Variants in ACOT7 observed in about 807,000 individuals in gnomAD.
ACOT7 encodes the protein acyl-CoA thioesterase 7, also known as cytosolic acyl coenzyme A thioester hydrolase.
In ACOT7, 12 loss-of-function variants were observed where a neutral mutation model predicts 40.2. The observed-to-expected ratio is 0.30, with a 90% CI of 0.19 to 0.48. The LOEUF (loss-of-function observed/expected upper bound fraction) is 0.48, where lower values mean the gene tolerates loss of function less well. Among genes scored for constraint, ACOT7 ranks in the 20% least tolerant of loss-of-function variants. ACOT7 has a pLI of 0.99. For missense variants in ACOT7, 395 were observed against 530.8 expected (o/e 0.74, Z 2.51); for synonymous variants, 228 against 219.5 (o/e 1.04, Z -0.34).
At chr1:6,303,297 T>C (rs903072812) in intron 6 of ACOT7, among the ~76,000 whole-genome samples, 3 of 152,194 alleles carry the variant, frequency 2.0e-5, no homozygotes, top group Non-Finnish European at 4.4e-5. Flanking sequence ...CCCGCCGTCC[T>C]TGGAGCTGCA....
At chr1:6,283,388 C>T (rs979643786) in intron 7 of ACOT7, among the ~76,000 whole-genome samples, 1 of 152,170 alleles carries the variant, frequency 6.6e-6, no homozygotes, top group East Asian at 1.9e-4. Flanking sequence ...TCTAGAACTC[C>T]TGGCCTCAAG....
At chr1:6,390,593 G>A (rs1642516681) in intron 1 of ACOT7, among the ~76,000 whole-genome samples, 1 of 151,482 alleles carries the variant, frequency 6.6e-6, no homozygotes, top group Non-Finnish European at 1.5e-5. Context: ...GAAACAATAT[G>A]CAATTGTGAA....
At chr1:6,319,056 A>G (rs931345339) in intron 5 of ACOT7, among the ~76,000 whole-genome samples, 4 of 151,814 alleles carry the variant, frequency 2.6e-5, no homozygotes, top group Non-Finnish European at 5.9e-5. Flanking sequence ...CTGCTCTATC[A>G]CCTCACTCTT....
chr1:6,376,608 T>G (rs1642237408), intron 1 of ACOT7, among the ~76,000 whole-genome samples: 1 of 150,986 alleles, frequency 6.6e-6, no homozygotes, highest in Non-Finnish European at 1.5e-5. Context: ...GTGCCTATAA[T>G]CCCAGCTACT....
chr1:6,385,052 C>A (rs902848525), intron 1 of ACOT7, among the ~76,000 whole-genome samples: 4 of 151,976 alleles, frequency 2.6e-5, no homozygotes, highest in African/African-American at 4.8e-5. Context: ...CAACACTGCA[C>A]TGTTAGGATC....
chr1:6,276,213 C>T lies in ACOT7; in HGVS notation c.1014+4889G>A, dbSNP rs140536502. Among the ~76,000 whole-genome samples the T allele has an allele frequency of 5.9e-3, 895 of 152,310 alleles. 9 individuals carry two copies. The highest frequency in any genetic ancestry group is 0.021 in the African/African-American group (860 of 41,558). On this transcript the variant is annotated intron_variant, in intron 8 of 8. Transcript: ENST00000361521. Reference sequence around the variant, plus strand: ...GAATCAGAGGCAAGTACAGCCCCCACCTGAGGTGCCAGGGACGTCCTCCGC... The same window carrying T: ...GAATCAGAGGCAAGTACAGCCCCCATCTGAGGTGCCAGGGACGTCCTCCGC...
intron 6 of ACOT7, among the ~76,000 whole-genome samples, chr1:6,304,145 G>T (rs998197844): frequency 6.6e-6 from 1 of 152,038 alleles, no homozygotes; most frequent in Non-Finnish European, 1.5e-5. Context: ...TTCCTGGAAG[G>T]CCCAGAAATT....
At chr1:6,391,160 G>C (rs537620057) in intron 1 of ACOT7, among the ~76,000 whole-genome samples, 3 of 151,982 alleles carry the variant, frequency 2.0e-5, no homozygotes, top group Non-Finnish European at 4.4e-5. Context: ...GCTGGGCGTG[G>C]TGGCGCACGC....
At chr1:6,368,464 C>G (rs1420995358) in intron 1 of ACOT7, among the ~76,000 whole-genome samples, 1 of 152,164 alleles carries the variant, frequency 6.6e-6, no homozygotes, top group Admixed American at 6.5e-5. Flanking sequence ...ACTCCATATG[C>G]AGGTGCAGCA....
intron 8 of ACOT7, 90 bp from the exon 9 acceptor site, chr1:6,264,785 C>G: frequency 7.3e-7 from 1 of 1,362,562 alleles, no homozygotes; most frequent in Non-Finnish European, 1.0e-6. Context: ...CTGCCCCCCA[C>G]CCGTGGGATC....
At chr1:6,327,801 A>G (rs1640846628) in intron 4 of ACOT7, among the ~76,000 whole-genome samples, 1 of 152,048 alleles carries the variant, frequency 6.6e-6, no homozygotes, top group African/African-American at 2.4e-5. Context: ...TTTGAGATGG[A>G]GTCTCGCTCT....
chr1:6,277,286 C>A (rs1268760739), intron 8 of ACOT7, among the ~76,000 whole-genome samples: 2 of 152,226 alleles, frequency 1.3e-5, no homozygotes, highest in Non-Finnish European at 2.9e-5. Context: ...GTGTGCACAG[C>A]CCAGCTGGGG....
chr1:6,368,403 C>T (rs951289369), intron 1 of ACOT7, among the ~76,000 whole-genome samples: 1 of 152,194 alleles, frequency 6.6e-6, no homozygotes, highest in African/African-American at 2.4e-5. Context: ...ACTTCCCGCC[C>T]CAGGGCCCTG....
chr1:6,316,637 C>T (rs1303605594), intron 6 of ACOT7, among the ~76,000 whole-genome samples: 1 of 152,204 alleles, frequency 6.6e-6, no homozygotes, highest in Admixed American at 6.5e-5. Context: ...TAGTAAAACC[C>T]CATCTCTACT....
chr1:6,306,942 C>T lies in ACOT7; in HGVS notation c.712+11550G>A, dbSNP rs144915934. 1.4e-4 allele frequency: 180 copies of T among 1,285,810 alleles called. No individual in the cohort carries two copies. In the African/African-American group the frequency reaches 2.0e-3, roughly 15 times the overall value. The allele number at this position is 1,285,810 out of a possible 1,614,324, so 79.7% of individuals were successfully genotyped here. On this transcript the variant is annotated intron_variant, in intron 6 of 8. Transcript: ENST00000361521. The surrounding 1 kb of genome is among the most constrained non-coding windows in gnomAD (Gnocchi z 4.3). ...CCCAAGAAGACCAAGTGAACAAGAG[C>T]GTCTTGGTGGAGGCCTCACTTGCGT...
chr1:6,312,469 A>C (rs1020494477), intron 6 of ACOT7, among the ~76,000 whole-genome samples: 6 of 43,718 alleles, frequency 1.4e-4, no homozygotes, highest in African/African-American at 5.6e-4. Context: ...TTCTTTCTTT[A>C]TTTCTTTATT....
At chr1:6,381,139 C>T (rs557007468) in intron 1 of ACOT7, among the ~76,000 whole-genome samples, 5 of 151,844 alleles carry the variant, frequency 3.3e-5, no homozygotes, top group South Asian at 2.1e-4. Flanking sequence ...AAAATGGACA[C>T]GGACTTTCTC....
At position 6,369,740 on chromosome 1, in the gene ACOT7, G is replaced by A. The variant is rs12134397; in HGVS notation, c.144-19874C>T. 4.4e-3 allele frequency among the ~76,000 whole-genome samples: 675 copies of A among 151,706 alleles called. 5 individuals carry two copies. Among genetic ancestry groups the A allele is most frequent in the Middle Eastern group, 0.01 (3 of 292 alleles). ...ACTACAGGCGCCCACCACCACGCCC[G>A]GCTAATTTTTTGTATTTTTTGTAGA... On this transcript the variant is annotated intron_variant, in intron 1 of 8. Coordinates refer to ENST00000361521, the MANE Select transcript of ACOT7 (RefSeq NM_007274.4).
Position 6,360,663 on chromosome 1 carries a change from C to T in ACOT7, c.144-10797G>A, listed in dbSNP as rs781390530. ...CCGAAGCAGGAGCATCGTCTCCCCA[C>T]GTCTCCTGTCGGCTCCCTCCAGAAG... On this transcript the variant is annotated intron_variant, in intron 1 of 8. Coordinates refer to ENST00000361521, the MANE Select transcript of ACOT7 (RefSeq NM_007274.4). 13 of 1,614,092 alleles carry T rather than the reference C, an allele frequency of 8.1e-6. No homozygotes were observed. In the Admixed American group the frequency reaches 1.3e-4, roughly 17 times the overall value.
Sources: allele counts gnomAD v4.1 joint callset (sites outside exome capture counted in the v4.1 genomes callset), GRCh38; gene constraint gnomAD v4.1.1; non-coding constraint Gnocchi (gnomAD v3.1); transcripts MANE v1.5; gene names NCBI Gene and HGNC (gene_info 2026-07-23, HGNC 2026-07-21).